VPS33A: variants seen among roughly 807,000 people sequenced by gnomAD.
VPS33A encodes VPS33A core subunit of CORVET and HOPS complexes, also known as vacuolar protein sorting-associated protein 33A.
Under a neutral mutation model 71.8 loss-of-function variants are expected in VPS33A, and 32 were observed. The observed-to-expected ratio is 0.45, with a 90% CI of 0.34 to 0.60. The LOEUF is 0.60. Among genes scored for constraint, VPS33A ranks in the 20% least tolerant of loss-of-function variants. The pLI is 0.02. For synonymous variants in VPS33A, 311 were observed against 292.7 expected (o/e 1.06, Z -0.64); for missense variants, 625 against 748.5 (o/e 0.84, Z 1.92).
chr12:122,263,239 C>A (rs1283660056), intron 3 of VPS33A, among the ~76,000 whole-genome samples: 2 of 152,176 alleles, frequency 1.3e-5, no homozygotes, highest in Admixed American at 6.6e-5. Context: ...GTGATCCACC[C>A]GCCTTGGCCT....
chr12:122,246,387 C>G (rs1178612644), intron 6 of VPS33A, among the ~76,000 whole-genome samples: 1 of 152,012 alleles, frequency 6.6e-6, no homozygotes, highest in African/African-American at 2.4e-5. Flanking sequence ...ACAACCTCCA[C>G]CTCCCGGGTT....
rs1415940606 is a variant in VPS33A, at chr12:122,263,629, A to AT, written c.238dup (p.Ile80AsnfsTer16). 2 of 1,613,164 alleles carry AT rather than the reference A, an allele frequency of 1.2e-6. No individual in the cohort carries two copies. The highest frequency in any genetic ancestry group is 1.7e-6 in the Non-Finnish European group (2 of 1,179,430). ...CTCTAGCCTGGGTCTGACAAAAAAA[A>AT]TTATATTCTTCACATCAGCTGCCGG... On this transcript the variant is annotated frameshift_variant, in exon 3 of 13. Transcript: ENST00000267199. LOFTEE classifies it high-confidence loss of function.
intron 8 of VPS33A, 57 bp from the exon 9 acceptor site, chr12:122,240,002 G>T: frequency 1.5e-6 from 2 of 1,339,176 alleles, no homozygotes; most frequent in South Asian, 1.2e-5. Flanking sequence ...TTACTTGAGT[G>T]GCATGCTTTT....
In VPS33A at chr12:122,245,053, G is replaced by A. The variant is rs56981632; in HGVS notation, c.776-291C>T. 0.05 allele frequency among the ~76,000 whole-genome samples: 7,571 copies of A among 152,118 alleles called. 631 individuals carry two copies. The highest frequency in any genetic ancestry group is 0.17 in the African/African-American group (7,126 of 41,466). On this transcript the variant is annotated intron_variant, in intron 6 of 12. Coordinates refer to ENST00000267199, the MANE Select transcript of VPS33A (RefSeq NM_022916.6). ...CTTTTCCACTCAGAAAACTTTCAAG[G>A]ATCTCCCCATTGACTTTTAGTATTT...
In VPS33A at chr12:122,237,702, C is replaced by T. The variant is rs186636217; in HGVS notation, c.1302+885G>A. Among the ~76,000 whole-genome samples the T allele has an allele frequency of 6.0e-3, 773 of 128,468 alleles. 25 individuals carry two copies. The highest frequency in any genetic ancestry group is 8.2e-3 in the Non-Finnish European group (523 of 63,936). The allele number at this position is 128,468 out of a possible 152,430, so 84.3% of individuals were successfully genotyped here. Reference sequence around the variant, plus strand: ...GGGACTACAGGCGCCCGCCACCGCGCCCGGCTAATTTTTTGTATTTTTAGT... The same window carrying T: ...GGGACTACAGGCGCCCGCCACCGCGTCCGGCTAATTTTTTGTATTTTTAGT... On this transcript the variant is annotated intron_variant, in intron 10 of 12. Transcript: ENST00000267199.
At chr12:122,238,958 CCA>C (rs137895749) in intron 9 of VPS33A, among the ~76,000 whole-genome samples, 13 of 143,902 alleles carry the variant, frequency 9.0e-5, no homozygotes, top group Non-Finnish European at 1.5e-4. Context: ...ACCCTGGCCA[CCA>C]CACACACACA....
intron 6 of VPS33A, 88 bp downstream of exon 6, chr12:122,249,783 C>T (rs1191917933): frequency 7.9e-7 from 1 of 1,259,760 alleles, no homozygotes; most frequent in Non-Finnish European, 1.1e-6. Context: ...TTAAATTATG[C>T]TTAAGTGTGC....
intron 5 of VPS33A, among the ~76,000 whole-genome samples, chr12:122,250,707 C>T (rs193126789): frequency 2.8e-4 from 43 of 152,248 alleles, no homozygotes; most frequent in African/African-American, 1.0e-3. Context: ...TGTTTGCAGT[C>T]TGAGAGCTGA....
At chr12:122,252,823 G>GTAAAGCATTTAATCCCAGTACCTGA (rs1954863109) in intron 4 of VPS33A, 1 of 152,232 alleles carries the variant, frequency 6.6e-6, no homozygotes, top group Non-Finnish European at 1.5e-5. Context: ...AAAAATACAT[G>GTAAAGCATTTAATCCCAGTACCTGA]TAAAGCATTT....
chr12:122,261,512 T>C, intron 3 of VPS33A, 65 bp from the exon 4 acceptor site: 1 of 1,470,144 alleles, frequency 6.8e-7, no homozygotes, highest in Non-Finnish European at 9.4e-7. Flanking sequence ...TTTGCTTTTT[T>C]TATCCCCACT....
At position 122,232,381 on chromosome 12, in the gene VPS33A, G is replaced by A. The variant is rs771768743; in HGVS notation, c.1656C>T (p.Gly552=). 10 of 1,613,850 alleles carry A rather than the reference G, an allele frequency of 6.2e-6. No individual in the cohort carries two copies. In the African/African-American group the frequency reaches 6.7e-5, roughly 11 times the overall value. Residue 552 remains glycine, a synonymous_variant, in exon 13 of 13, where the codon GGC becomes GGT. Coordinates refer to ENST00000267199, the MANE Select transcript of VPS33A (RefSeq NM_022916.6). ...NRVTLIFFLG[G]VTFAEIAALR... Reference sequence around the variant, plus strand: ...GGGCAGCAATTTCAGCGAAGGTTACGCCCCCAAGGAAAAATATCAGAGTCA... The same window carrying A: ...GGGCAGCAATTTCAGCGAAGGTTACACCCCCAAGGAAAAATATCAGAGTCA...
intron 9 of VPS33A, among the ~76,000 whole-genome samples, chr12:122,239,557 AC>A (rs947904924): frequency 6.6e-6 from 1 of 151,892 alleles, no homozygotes; most frequent in African/African-American, 2.4e-5. Context: ...ACATGGTGAA[AC>A]CCCGTCTCTA....
chr12:122,251,898 A>G (rs980883071), intron 4 of VPS33A, among the ~76,000 whole-genome samples: 14 of 151,268 alleles, frequency 9.3e-5, no homozygotes, highest in African/African-American at 2.9e-4. Context: ...TGTTGTGCAC[A>G]TGTACCCTAG....
intron 3 of VPS33A, among the ~76,000 whole-genome samples, chr12:122,262,343 G>C (rs549984713): frequency 1.5e-4 from 23 of 152,288 alleles, no homozygotes; most frequent in Admixed American, 1.2e-3. Context: ...GAAGCTCTCA[G>C]GTTGATTGAA....
At chr12:122,260,768 G>A (rs902477045) in intron 4 of VPS33A, among the ~76,000 whole-genome samples, 1 of 151,916 alleles carries the variant, frequency 6.6e-6, no homozygotes, top group Non-Finnish European at 1.5e-5. Context: ...GGCGGATCAT[G>A]AAGCGGATCC....
chr12:122,251,716 T>A (rs890831815), intron 4 of VPS33A, among the ~76,000 whole-genome samples: 1 of 151,596 alleles, frequency 6.6e-6, no homozygotes. Flanking sequence ...TAGGTGGGAA[T>A]TGAACAATGA....
At chr12:122,254,433 C>T (rs1158078216) in intron 4 of VPS33A, among the ~76,000 whole-genome samples, 2 of 126,090 alleles carry the variant, frequency 1.6e-5, no homozygotes, top group East Asian at 2.9e-4. Flanking sequence ...GATAGGCTCT[C>T]GCTCTGTTGC....
At chr12:122,250,564 C>A (rs77426177) in intron 5 of VPS33A, among the ~76,000 whole-genome samples, 3 of 152,140 alleles carry the variant, frequency 2.0e-5, no homozygotes, top group African/African-American at 4.8e-5. Flanking sequence ...GCCAGGCACA[C>A]CACAGCCTTC....
chr12:122,236,179 T>C (rs1020355397), intron 10 of VPS33A, among the ~76,000 whole-genome samples: 1 of 152,156 alleles, frequency 6.6e-6, no homozygotes, highest in Non-Finnish European at 1.5e-5. Flanking sequence ...TCAGAATTTA[T>C]GGACCCAATC....
Sources: gnomAD v4.1 joint callset for allele counts (sites outside exome capture counted in the v4.1 genomes callset) on GRCh38, gnomAD v4.1.1 for gene constraint, MANE v1.5 for transcripts, NCBI Gene and HGNC (gene_info 2026-07-23, HGNC 2026-07-21) for gene names.